The following OTUD7A variants were observed in gnomAD, a reference collection of about 807,000 sequenced individuals.
The protein encoded by OTUD7A is OTU deubiquitinase 7A, also known as OTU domain-containing protein 7A.
A neutral mutation model predicts 65.7 loss-of-function variants in OTUD7A; 12 were observed. That is an observed-to-expected ratio of 0.18 (90% CI 0.12 to 0.30). The LOEUF (loss-of-function observed/expected upper bound fraction) is 0.30, where lower values mean the gene tolerates loss of function less well. Ranked by LOEUF, OTUD7A falls within the 10% of genes least tolerant of loss-of-function variation. The pLI is 1.00. For missense variants in OTUD7A, 1,148 were observed against 1,304.8 expected, an observed-to-expected ratio of 0.88 and a Z score of 1.85; for synonymous variants, 641 against 586.3, an observed-to-expected ratio of 1.09 and a Z score of -1.35.
chr15:31,770,377 T>C (rs11635285), intron 1 of OTUD7A, among the ~76,000 whole-genome samples: 30,799 of 152,098 alleles, frequency 0.2, 3,562 homozygotes, highest in Admixed American at 0.28. Context: ...AAAAAGAAAG[T>C]AGAAAATCTG....
At chr15:31,621,348 T>C (rs1249412178) in intron 3 of OTUD7A, among the ~76,000 whole-genome samples, 2 of 152,316 alleles carry the variant, frequency 1.3e-5, no homozygotes, top group African/African-American at 2.4e-5. Context: ...CGTTGATCTG[T>C]CTATCGTTGA....
chr15:31,593,917 T>C (rs1353855034), intron 3 of OTUD7A, among the ~76,000 whole-genome samples: 1 of 152,190 alleles, frequency 6.6e-6, no homozygotes, highest in East Asian at 1.9e-4. Context: ...AACGTCATGC[T>C]GCAGAAAGCC....
At chr15:31,504,322 AGTGAGAAGGCT>A (rs1056185607) in intron 8 of OTUD7A, among the ~76,000 whole-genome samples, 8 of 152,038 alleles carry the variant, frequency 5.3e-5, no homozygotes, top group African/African-American at 1.9e-4. Flanking sequence ...GGAGGAGAAC[AGTGAGAAGGCT>A]GTCTGGATTT....
chr15:31,514,057 C>CTT (rs375888532), intron 8 of OTUD7A, among the ~76,000 whole-genome samples: 80 of 23,030 alleles, frequency 3.5e-3, no homozygotes, highest in East Asian at 7.1e-3. Flanking sequence ...TTCTTTCTTT[C>CTT]TTTTTTTTTT....
intron 1 of OTUD7A, among the ~76,000 whole-genome samples, chr15:31,854,045 G>A (rs1897498459): frequency 6.6e-6 from 1 of 152,124 alleles, no homozygotes; most frequent in Admixed American, 6.5e-5. Context: ...CAAACTGAGT[G>A]GTTTCAAGCA....
At chr15:31,617,483 C>CAA (rs60306792) in intron 3 of OTUD7A, among the ~76,000 whole-genome samples, 31 of 143,306 alleles carry the variant, frequency 2.2e-4, no homozygotes, top group African/African-American at 7.9e-4. Flanking sequence ...GACTCCATGT[C>CAA]AAAAAAAAAA....
intron 3 of OTUD7A, among the ~76,000 whole-genome samples, chr15:31,646,925 T>C (rs1422926712): frequency 6.6e-6 from 1 of 152,196 alleles, no homozygotes; most frequent in Non-Finnish European, 1.5e-5. Context: ...ATGGTCTTAA[T>C]GGGTCTGTTT....
Position 31,478,375 on chromosome 15 carries a change from T to C in OTUD7A, c.*4919A>G, listed in dbSNP as rs2041057799. 1 of 152,224 alleles carries C rather than the reference T, an allele frequency of 6.6e-6. No homozygotes were observed. Among genetic ancestry groups the C allele is most frequent in the Non-Finnish European group, 1.5e-5 (1 of 68,048 alleles). 9.4% of individuals were successfully genotyped at this position (152,224 alleles called of 1,614,324 possible). ...ATATATATATCCTTGATATGCTCTT[T>C]GGGAGGAATAAAAAGATGCAAGCAA... is the stretch of plus-strand genomic sequence containing the variant. On this transcript the variant is annotated 3_prime_UTR_variant, in exon 13 of 13. Coordinates refer to ENST00000307050, the MANE Select transcript of OTUD7A (RefSeq NM_001382637.1).
At chr15:31,799,998 C>T (rs1056344552) in intron 1 of OTUD7A, among the ~76,000 whole-genome samples, 9 of 152,076 alleles carry the variant, frequency 5.9e-5, no homozygotes, top group Non-Finnish European at 7.4e-5. Flanking sequence ...ACACTTCAGA[C>T]GCAAAAACAA....
chr15:31,628,701 G>C (rs1205300220), intron 3 of OTUD7A, among the ~76,000 whole-genome samples: 1 of 151,992 alleles, frequency 6.6e-6, no homozygotes, highest in Non-Finnish European at 1.5e-5. Context: ...CCATTTTCAC[G>C]ATATTGATTC....
intron 1 of OTUD7A, among the ~76,000 whole-genome samples, chr15:31,802,137 GTGTGTA>G (rs1217748657): frequency 1.5e-4 from 20 of 131,850 alleles, no homozygotes; most frequent in African/African-American, 4.8e-4. Flanking sequence ...GTGTGTGTGT[GTGTGTA>G]TATATATATA....
chr15:31,649,323 G>T (rs2141271544), intron 3 of OTUD7A, among the ~76,000 whole-genome samples: 1 of 152,272 alleles, frequency 6.6e-6, no homozygotes, highest in East Asian at 1.9e-4. Context: ...GTTTACCAAG[G>T]TTGTGATCAG....
chr15:31,605,679 A>G (rs1890218347), intron 3 of OTUD7A, among the ~76,000 whole-genome samples: 1 of 152,134 alleles, frequency 6.6e-6, no homozygotes, highest in Non-Finnish European at 1.5e-5. Context: ...ATTTTTTCAG[A>G]CTCATTTTCT....
chr15:31,620,724 G>A (rs1241653986), intron 3 of OTUD7A, among the ~76,000 whole-genome samples: 8 of 107,578 alleles, frequency 7.4e-5, no homozygotes, highest in Admixed American at 2.7e-4. Context: ...CCAGCTCCTG[G>A]ATTCATTAAT....
At chr15:31,546,859 A>G (rs1888146877) in intron 5 of OTUD7A, among the ~76,000 whole-genome samples, 2 of 152,254 alleles carry the variant, frequency 1.3e-5, no homozygotes, top group Admixed American at 6.5e-5. Context: ...AAGCAGAAGA[A>G]TCCAGAACTT....
chr15:31,793,971 A>T (rs1484724757), intron 1 of OTUD7A, among the ~76,000 whole-genome samples: 1 of 152,262 alleles, frequency 6.6e-6, no homozygotes, highest in African/African-American at 2.4e-5. Flanking sequence ...TGATGTGATC[A>T]AATTAATTAT....
chr15:31,730,684 C>CT (rs1204711694), intron 1 of OTUD7A, among the ~76,000 whole-genome samples: 2 of 152,216 alleles, frequency 1.3e-5, no homozygotes, highest in Non-Finnish European at 2.9e-5. Flanking sequence ...AATCCCAATG[C>CT]TACTATTTCT....
At chr15:31,765,817 A>G in intron 1 of OTUD7A, 1 of 1,357,764 alleles carries the variant, frequency 7.4e-7, no homozygotes, top group East Asian at 2.3e-5. Flanking sequence ...TTGTCACCAA[A>G]AAGTGCTGCT....
intron 1 of OTUD7A, among the ~76,000 whole-genome samples, chr15:31,796,206 A>G (rs1895954399): frequency 7.0e-6 from 1 of 142,210 alleles, no homozygotes; most frequent in African/African-American, 2.9e-5. Context: ...CTATCTATCT[A>G]TCTATCTATC....
Sources: gnomAD v4.1 joint callset for allele counts (sites outside exome capture counted in the v4.1 genomes callset) on GRCh38, gnomAD v4.1.1 for gene constraint, MANE v1.5 for transcripts, NCBI Gene and HGNC (gene_info 2026-07-23, HGNC 2026-07-21) for gene names.